The following ADGRA1 variants were observed in gnomAD, a reference collection of about 807,000 sequenced individuals.
The protein encoded by ADGRA1 is G-protein coupled receptor 123.
A neutral mutation model predicts 21.3 loss-of-function variants in ADGRA1; 12 were observed. The observed-to-expected ratio is 0.56, with a 90% CI of 0.36 to 0.91. ADGRA1 has a LOEUF of 0.91. Among genes scored for constraint, ADGRA1 ranks in the 40% least tolerant of loss-of-function variants. The pLI is 0.01. For synonymous variants in ADGRA1, 385 were observed against 368.8 expected, an observed-to-expected ratio of 1.04 and a Z score of -0.50; for missense variants, 790 against 805.6, an observed-to-expected ratio of 0.98 and a Z score of 0.23.
chr10:133,088,651 G>A, intron 1 of ADGRA1, 57 bp from the exon 2 acceptor site: 3 of 1,121,588 alleles, frequency 2.7e-6, no homozygotes, highest in Non-Finnish European at 3.4e-6. Context: ...TCGGGGCTGC[G>A]AGCTGCCCTC....
chr10:133,121,774 G>A (rs994712074), intron 5 of ADGRA1, among the ~76,000 whole-genome samples: 2 of 148,408 alleles, frequency 1.3e-5, no homozygotes, highest in African/African-American at 5.0e-5. Context: ...GCAAGTGTGA[G>A]TGTGCGTGTC....
chr10:133,106,685 C>T (rs956319880), intron 5 of ADGRA1, among the ~76,000 whole-genome samples: 6 of 152,272 alleles, frequency 3.9e-5, no homozygotes, highest in African/African-American at 1.4e-4. Flanking sequence ...ACACCCATCC[C>T]AGATCCTGTC....
intron 5 of ADGRA1, among the ~76,000 whole-genome samples, chr10:133,112,331 G>T (rs1852049382): frequency 6.6e-6 from 1 of 151,598 alleles, no homozygotes; most frequent in African/African-American, 2.4e-5. Context: ...TCGGTTATCT[G>T]GGGTCTGCAG....
At chr10:133,113,844 C>A (rs1331701283) in intron 5 of ADGRA1, among the ~76,000 whole-genome samples, 2 of 152,250 alleles carry the variant, frequency 1.3e-5, no homozygotes, top group Non-Finnish European at 2.9e-5. Flanking sequence ...CGCCCCTTCC[C>A]CATGTCCCTG....
chr10:133,100,588 T>G (rs1293522814), intron 4 of ADGRA1, among the ~76,000 whole-genome samples: 2 of 152,186 alleles, frequency 1.3e-5, no homozygotes, highest in Non-Finnish European at 2.9e-5. Flanking sequence ...TCCAGAGGGT[T>G]GCAATCTTGG....
intron 5 of ADGRA1, among the ~76,000 whole-genome samples, chr10:133,103,256 C>G (rs922097314): frequency 6.6e-6 from 1 of 152,176 alleles, no homozygotes; most frequent in African/African-American, 2.4e-5. Context: ...CTCTATGCCC[C>G]GCAGGGCAGC....
At chr10:133,117,192 G>A (rs2135899337) in intron 5 of ADGRA1, among the ~76,000 whole-genome samples, 1 of 152,306 alleles carries the variant, frequency 6.6e-6, no homozygotes, top group African/African-American at 2.4e-5. Flanking sequence ...CTGGTCCAGA[G>A]CGAGGACTGC....
At chr10:133,113,285 G>A (rs945465028) in intron 5 of ADGRA1, among the ~76,000 whole-genome samples, 14 of 150,226 alleles carry the variant, frequency 9.3e-5, no homozygotes, top group Admixed American at 2.0e-4. Context: ...GCCGTGTTTC[G>A]GTTTGGAAGT....
chr10:133,103,056 G>A (rs1355899054), intron 5 of ADGRA1, among the ~76,000 whole-genome samples: 2 of 151,964 alleles, frequency 1.3e-5, no homozygotes, highest in African/African-American at 4.8e-5. Context: ...CGGAGGGGAG[G>A]GGCGCCGGTC....
chr10:133,128,344 G>T lies in ADGRA1; in HGVS notation c.516G>T (p.Trp172Cys). 1 of 1,552,002 alleles carries T rather than the reference G, an allele frequency of 6.4e-7. No individual in the cohort carries two copies. Residue 172 changes from tryptophan (W) to cysteine (C), a missense_variant, in exon 7 of 7, where the codon TGG becomes TGT. By Grantham distance (215) the Trp-to-Cys change is radical. Coordinates refer to ENST00000392607, the MANE Select transcript of ADGRA1 (RefSeq NM_001083909.3). ...DEDTAYCWMAWEPSLGAFYGP... is the reference protein window; with the variant it reads ...DEDTAYCWMACEPSLGAFYGP... ...CTCCCCACAGCTGCTGGATGGCCTGGGAGCCCAGCCTGGGCGCCTTCTACG... is the reference window on the plus strand; with the variant it reads ...CTCCCCACAGCTGCTGGATGGCCTGTGAGCCCAGCCTGGGCGCCTTCTACG...
intron 5 of ADGRA1, among the ~76,000 whole-genome samples, chr10:133,114,890 G>A (rs9419009): frequency 0.22 from 33,836 of 152,164 alleles, 4,366 homozygotes; most frequent in East Asian, 0.57. Context: ...CTGAGGCTGC[G>A]GTTTCCTTGG....
chr10:133,112,425 CAT>C (rs1237335767), intron 5 of ADGRA1, among the ~76,000 whole-genome samples: 8 of 122,634 alleles, frequency 6.5e-5, no homozygotes, highest in Admixed American at 2.7e-4. Context: ...GTCTGCGGGC[CAT>C]GTCGGTTATT....
At chr10:133,124,436 C>T (rs1008874136) in intron 5 of ADGRA1, among the ~76,000 whole-genome samples, 1 of 152,280 alleles carries the variant, frequency 6.6e-6, no homozygotes, top group Admixed American at 6.5e-5. Context: ...TAGAAACCTT[C>T]CCCCAAAGGC....
chr10:133,107,262 T>C (rs896953374), intron 5 of ADGRA1, among the ~76,000 whole-genome samples: 2 of 152,238 alleles, frequency 1.3e-5, no homozygotes, highest in Admixed American at 6.5e-5. Flanking sequence ...ATTTCCTGTA[T>C]ATATAATTAT....
chr10:133,130,587 G>A lies in ADGRA1; in HGVS notation c.*1076G>A, dbSNP rs1852495483. On this transcript the variant is annotated 3_prime_UTR_variant, in exon 7 of 7. Coordinates refer to ENST00000392607, the MANE Select transcript of ADGRA1 (RefSeq NM_001083909.3). ...AGGGAGTCCAGAGGGTCATGGGTGTGAAACTGTGCACAGCTTTCCCTCCCT... is the reference window on the plus strand; with the variant it reads ...AGGGAGTCCAGAGGGTCATGGGTGTAAAACTGTGCACAGCTTTCCCTCCCT... 6.6e-6 allele frequency: 1 copy of A among 152,170 alleles called. No individual in the cohort carries two copies. The highest frequency in any genetic ancestry group is 6.5e-5 in the Admixed American group (1 of 15,268). The allele number at this position is 152,170 out of a possible 1,614,324, so 9.4% of individuals were successfully genotyped here.
chr10:133,126,784 C>T (rs1852383006), intron 5 of ADGRA1, among the ~76,000 whole-genome samples: 1 of 152,168 alleles, frequency 6.6e-6, no homozygotes, highest in Non-Finnish European at 1.5e-5. Flanking sequence ...TGAGGCTGAG[C>T]GGGGCCTTAA....
In ADGRA1 at chr10:133,128,614, G is replaced by A. The variant is rs144594196; in HGVS notation, c.786G>A (p.Thr262=). 500 of 1,604,338 alleles carry A rather than the reference G, an allele frequency of 3.1e-4. 3 individuals are homozygous for A. In the South Asian group the frequency reaches 3.4e-3, roughly 11 times the overall value. Residue 262 remains threonine (T), a synonymous_variant, in exon 7 of 7, where the codon ACG becomes ACA. Coordinates refer to ENST00000392607, the MANE Select transcript of ADGRA1 (RefSeq NM_001083909.3). ...FQAQLRAAAF[T]LFLFTATWAF... is the part of the protein sequence containing the mutation. ...CACAGCTGCGCGCCGCCGCCTTCAC[G>A]CTGTTCCTGTTCACGGCCACGTGGG...
intron 5 of ADGRA1, among the ~76,000 whole-genome samples, chr10:133,110,663 A>C (rs912122278): frequency 7.9e-5 from 12 of 152,240 alleles, no homozygotes; most frequent in African/African-American, 2.9e-4. Context: ...GAAGAAAAAG[A>C]ATAAGGGCAA....
chr10:133,127,320 G>T lies in ADGRA1; in HGVS notation c.489G>T (p.Glu163Asp). ...TNIRNYGTED[E>D]DTAYCWMAWE... ...TCAGGAATTACGGGACAGAGGACGA[G>T]GACACGGCGTAGTGAGTACCGGGCA... is the stretch of plus-strand genomic sequence containing the variant. The change falls in exon 6 of 7, where the codon GAG becomes GAT. Residue 163 changes from glutamate to aspartate, a missense_variant. Physicochemically the swap from Glu to Asp is conservative, Grantham distance 45. Transcript: ENST00000392607. The T allele has an allele frequency of 6.3e-7, 1 of 1,596,794 alleles. No homozygotes were observed.
Sources: gnomAD v4.1 joint callset for allele counts (sites outside exome capture counted in the v4.1 genomes callset) on GRCh38, gnomAD v4.1.1 for gene constraint, MANE v1.5 for transcripts, NCBI Gene and HGNC (gene_info 2026-07-23, HGNC 2026-07-21) for gene names.